GPC5: variants seen among roughly 807,000 people sequenced by gnomAD.
The protein encoded by GPC5 is glypican-5.
In GPC5, 47 loss-of-function variants were observed where a neutral mutation model predicts 53.9. The ratio of observed to expected loss-of-function variants is 0.87; its 90% CI spans 0.69 to 1.11. GPC5 has a LOEUF of 1.11. GPC5 is among the 50% of genes most tolerant of loss of function. GPC5 has a pLI of 0.00. For synonymous variants in GPC5, 286 were observed against 263.3 expected, an observed-to-expected ratio of 1.09 and a Z score of -0.84; for missense variants, 748 against 713.1, an observed-to-expected ratio of 1.05 and a Z score of -0.56.
At chr13:92,272,176 A>G (rs974477859) in intron 7 of GPC5, among the ~76,000 whole-genome samples, 1 of 152,202 alleles carries the variant, frequency 6.6e-6, no homozygotes. Context: ...TTAAAATGCA[A>G]TTTGACTAGT....
intron 7 of GPC5, among the ~76,000 whole-genome samples, chr13:92,573,191 C>G (rs1281533937): frequency 6.6e-6 from 1 of 152,128 alleles, no homozygotes; most frequent in Non-Finnish European, 1.5e-5. Context: ...ATCGTGGCTA[C>G]TGGTCTGATG....
rs118000073 is a variant in GPC5 at position 92,248,348 on chromosome 13, A to G, written c.1561+103359A>G. ...CCACATATAATGTGTGAAAGTTCAG[A>G]TGTGAAATAAATCTGCAGCTCATAG... On this transcript the variant is annotated intron_variant, in intron 7 of 7. Coordinates refer to ENST00000377067, the MANE Select transcript of GPC5 (RefSeq NM_004466.6). 2.7e-4 allele frequency among the ~76,000 whole-genome samples: 41 copies of G among 152,262 alleles called. No homozygotes were observed. In the East Asian group the frequency reaches 5.4e-3, roughly 20 times the overall value.
chr13:92,702,280 C>CTGA (rs1402125284), intron 7 of GPC5, among the ~76,000 whole-genome samples: 3 of 152,122 alleles, frequency 2.0e-5, no homozygotes, highest in African/African-American at 7.2e-5. Flanking sequence ...CATATGCATG[C>CTGA]TGATGATATA....
intron 6 of GPC5, among the ~76,000 whole-genome samples, chr13:92,026,420 G>A (rs1367629198): frequency 6.6e-6 from 1 of 150,582 alleles, no homozygotes; most frequent in Non-Finnish European, 1.5e-5. Context: ...CTACTTAAAG[G>A]TATCTTATGA....
At chr13:91,778,664 A>G (rs1381711258) in intron 5 of GPC5, among the ~76,000 whole-genome samples, 1 of 152,222 alleles carries the variant, frequency 6.6e-6, no homozygotes, top group Non-Finnish European at 1.5e-5. Flanking sequence ...TCCAAGGTCT[A>G]GCATCTACCT....
intron 2 of GPC5, among the ~76,000 whole-genome samples, chr13:91,614,232 CT>C (rs1252227996): frequency 6.6e-6 from 1 of 152,142 alleles, no homozygotes; most frequent in Non-Finnish European, 1.5e-5. Context: ...AACTCCTATT[CT>C]CTGTAATATG....
intron 7 of GPC5, among the ~76,000 whole-genome samples, chr13:92,660,840 TAGCTATTCAGCTCTGG>T (rs1339111541): frequency 3.9e-5 from 6 of 152,134 alleles, no homozygotes; most frequent in Non-Finnish European, 5.9e-5. Context: ...CAGCCACATA[TAGCTATTCAGCTCTGG>T]AAACATGGCT....
intron 5 of GPC5, among the ~76,000 whole-genome samples, chr13:91,827,653 A>G (rs2138847621): frequency 6.6e-6 from 1 of 152,166 alleles, no homozygotes; most frequent in Middle Eastern, 3.4e-3. Context: ...ACTGCAATGA[A>G]ATATCAGACT....
chr13:92,298,407 T>C (rs2043053207), intron 7 of GPC5, among the ~76,000 whole-genome samples: 1 of 152,170 alleles, frequency 6.6e-6, no homozygotes, highest in African/African-American at 2.4e-5. Flanking sequence ...TGTGGACTTT[T>C]CCCAGTGCCT....
intron 2 of GPC5, among the ~76,000 whole-genome samples, chr13:91,475,206 G>T (rs927041426): frequency 1.6e-4 from 24 of 151,792 alleles, no homozygotes; most frequent in Admixed American, 1.5e-3. Flanking sequence ...AATACTTTTT[G>T]AATTAATAGC....
At chr13:92,134,210 T>C (rs1419431777) in intron 6 of GPC5, among the ~76,000 whole-genome samples, 1 of 152,140 alleles carries the variant, frequency 6.6e-6, no homozygotes, top group African/African-American at 2.4e-5. Context: ...GTTCTGTCTT[T>C]GATTTTGAAA....
At position 91,693,341 on chromosome 13, in the gene GPC5, A is replaced by G; in HGVS notation, c.480A>G (p.Glu160=). 35 of 1,614,148 alleles carry G rather than the reference A, an allele frequency of 2.2e-5. No homozygotes were observed. The highest frequency in any genetic ancestry group is 3.0e-5 in the Non-Finnish European group (35 of 1,180,026). The change falls in exon 3 of 8, where the codon GAA becomes GAG. Residue 160 remains glutamate (E), a synonymous_variant. Transcript: ENST00000377067. ...LYLFGADVNP[E]EFVNRFFDSL... ...TATTTGGTGCGGATGTTAATCCTGA[A>G]GAATTTGTAAACAGATTTTTTGACA...
chr13:92,108,372 C>T (rs1266848164), intron 6 of GPC5, among the ~76,000 whole-genome samples: 2 of 152,242 alleles, frequency 1.3e-5, no homozygotes, highest in African/African-American at 4.8e-5. Flanking sequence ...TCAAGTAATG[C>T]ATTATTATCT....
At chr13:91,857,382 TA>T (rs2038978078) in intron 5 of GPC5, among the ~76,000 whole-genome samples, 1 of 151,558 alleles carries the variant, frequency 6.6e-6, no homozygotes, top group Non-Finnish European at 1.5e-5. Context: ...AGATCTTATG[TA>T]ATTTTTCTCA....
At chr13:91,452,109 C>T (rs943997366) in intron 2 of GPC5, among the ~76,000 whole-genome samples, 5 of 152,036 alleles carry the variant, frequency 3.3e-5, no homozygotes, top group East Asian at 3.9e-4. Context: ...TACAGCCTCC[C>T]GAGTAGCTAG....
chr13:92,384,319 C>G (rs1306087715), intron 7 of GPC5, among the ~76,000 whole-genome samples: 1 of 152,080 alleles, frequency 6.6e-6, no homozygotes, highest in African/African-American at 2.4e-5. Context: ...CTGAAATTCA[C>G]TTGGGGACTC....
intron 2 of GPC5, among the ~76,000 whole-genome samples, chr13:91,522,041 T>C (rs1885846428): frequency 6.6e-6 from 1 of 152,264 alleles, no homozygotes. Flanking sequence ...GGAAGGGGTA[T>C]GTATGGCACC....
chr13:92,207,218 A>G (rs1209087116), intron 7 of GPC5, among the ~76,000 whole-genome samples: 3 of 152,192 alleles, frequency 2.0e-5, no homozygotes, highest in East Asian at 1.9e-4. Context: ...AGGTAGAGCT[A>G]GAAAGCTGGT....
chr13:92,809,767 T>C (rs528159090), intron 7 of GPC5, among the ~76,000 whole-genome samples: 4 of 152,296 alleles, frequency 2.6e-5, no homozygotes, highest in African/African-American at 7.2e-5. Flanking sequence ...TTTAAGATTT[T>C]AAATCTTAAA....
Sources: gnomAD v4.1 joint callset for allele counts (sites outside exome capture counted in the v4.1 genomes callset) on GRCh38, gnomAD v4.1.1 for gene constraint, MANE v1.5 for transcripts, NCBI Gene and HGNC (gene_info 2026-07-23, HGNC 2026-07-21) for gene names.